The following ARHGEF26 variants were observed in gnomAD, a reference collection of about 807,000 sequenced individuals.
ARHGEF26 encodes the protein Rho guanine nucleotide exchange factor (GEF) 26.
In ARHGEF26, 59 loss-of-function variants were observed where a neutral mutation model predicts 89.4. The ratio of observed to expected loss-of-function variants is 0.66; its 90% CI spans 0.54 to 0.82. The LOEUF is 0.82. Ranked by LOEUF, ARHGEF26 falls within the 40% of genes least tolerant of loss-of-function variation. The pLI, the probability that ARHGEF26 is intolerant of heterozygous loss-of-function variation, is 0.00. For missense variants in ARHGEF26, 1,234 were observed against 1,085.6 expected (o/e 1.14, Z -1.92); for synonymous variants, 500 against 428.4 (o/e 1.17, Z -2.06).
chr3:154,197,547 T>C (rs1714367622), intron 9 of ARHGEF26, among the ~76,000 whole-genome samples: 1 of 152,170 alleles, frequency 6.6e-6, no homozygotes, highest in Non-Finnish European at 1.5e-5. Flanking sequence ...TCTAGGTAGT[T>C]ACTCATTCTT....
intron 11 of ARHGEF26, among the ~76,000 whole-genome samples, chr3:154,238,530 C>T (rs1178482743): frequency 6.6e-6 from 1 of 152,086 alleles, no homozygotes; most frequent in Admixed American, 6.6e-5. Context: ...AAAATAAATT[C>T]CAGGAAATCT....
At chr3:154,169,975 G>A (rs184824) in intron 6 of ARHGEF26, among the ~76,000 whole-genome samples, 76,774 of 151,872 alleles carry the variant, frequency 0.51, 19,596 homozygotes, top group Non-Finnish European at 0.53. Flanking sequence ...AAAGCCAGAA[G>A]TAGTCAGCTT....
At position 154,187,697 on chromosome 3, in the gene ARHGEF26, G is replaced by A; in HGVS notation, c.1500G>A (p.Glu500=). The A allele has an allele frequency of 1.2e-6, 2 of 1,606,226 alleles. No homozygotes were observed. The highest frequency in any genetic ancestry group is 1.7e-5 in the Admixed American group (1 of 58,890). The change falls in exon 7 of 15, where the codon GAG becomes GAA. Residue 500 remains glutamate (E), a synonymous_variant. Transcript: ENST00000465093. The stretch of plus-strand genomic sequence containing the variant: ...TTTGGTTTTTCAGGTTCTTTATAGA[G>A]TTGGAAGCAAGACATCAGAATAATA... The part of the protein sequence containing the change: ...VCEASKKFFI[E]LEARHQNNIF...
rs73875337 is a variant in ARHGEF26, at chr3:154,256,169, C to T, written c.*696C>T. 2,471 of 985,696 alleles carry T rather than the reference C, an allele frequency of 2.5e-3. 49 individuals carry two copies. The African/African-American group carries it at 0.041, about 16-fold the overall frequency. 61.1% of individuals were successfully genotyped at this position (985,696 alleles called of 1,614,324 possible). On this transcript the variant is annotated 3_prime_UTR_variant, in exon 15 of 15. Transcript: ENST00000465093. Reference sequence around the variant, plus strand: ...ATAAGTATAGACTAATTAACCTAAGCTACCTTTAACAACGTAGAATTTAGA... The same window carrying T: ...ATAAGTATAGACTAATTAACCTAAGTTACCTTTAACAACGTAGAATTTAGA...
chr3:154,187,888 A>C, intron 7 of ARHGEF26, 51 bp downstream of exon 7: 2 of 1,485,678 alleles, frequency 1.3e-6, no homozygotes, highest in Non-Finnish European at 1.8e-6. Context: ...AGTTTTAATT[A>C]GGCTACATTG....
At chr3:154,213,396 T>C (rs970592682) in intron 9 of ARHGEF26, among the ~76,000 whole-genome samples, 3 of 151,930 alleles carry the variant, frequency 2.0e-5, no homozygotes, top group African/African-American at 7.3e-5. Context: ...CAGCAGAACA[T>C]GTATGTTCAA....
intron 3 of ARHGEF26, among the ~76,000 whole-genome samples, chr3:154,124,654 G>A (rs1344045939): frequency 1.3e-5 from 2 of 151,780 alleles, no homozygotes; most frequent in Non-Finnish European, 2.9e-5. Flanking sequence ...ATTTTTTATA[G>A]GCTGATAACT....
At chr3:154,161,825 G>A (rs1050486191) in intron 6 of ARHGEF26, among the ~76,000 whole-genome samples, 13 of 152,122 alleles carry the variant, frequency 8.5e-5, no homozygotes, top group African/African-American at 3.1e-4. Flanking sequence ...AACCAGCCTG[G>A]TGTTTTCTTT....
At chr3:154,141,101 A>G (rs948226952) in intron 4 of ARHGEF26, among the ~76,000 whole-genome samples, 1 of 152,068 alleles carries the variant, frequency 6.6e-6, no homozygotes, top group Non-Finnish European at 1.5e-5. Context: ...AGCTGGGACT[A>G]CAGGCGGCTG....
At position 154,123,137 on chromosome 3, in the gene ARHGEF26, G is replaced by C. The variant is rs1027178272; in HGVS notation, c.1083+62G>C. 2.5e-6 allele frequency: 4 copies of C among 1,592,120 alleles called. No individual in the cohort carries two copies. In the African/African-American group the frequency reaches 4.0e-5, roughly 16 times the overall value. ...AGCGGAAAGTAAATGTGTTGGGAGTGGGGAGGAGGAGCGTAGAGGAAACCC... is the reference window on the plus strand; with the variant it reads ...AGCGGAAAGTAAATGTGTTGGGAGTCGGGAGGAGGAGCGTAGAGGAAACCC... On this transcript the variant is annotated intron_variant, in intron 2 of 14. Coordinates refer to ENST00000465093, the MANE Select transcript of ARHGEF26 (RefSeq NM_015595.4).
At chr3:154,197,513 GC>G in intron 9 of ARHGEF26, among the ~76,000 whole-genome samples, 1 of 152,220 alleles carries the variant, frequency 6.6e-6, no homozygotes, top group East Asian at 1.9e-4. Flanking sequence ...ACCAGATGCT[GC>G]CTTAATGTCT....
At chr3:154,212,551 G>T (rs538795700) in intron 9 of ARHGEF26, among the ~76,000 whole-genome samples, 84 of 134,250 alleles carry the variant, frequency 6.3e-4, no homozygotes, top group Non-Finnish European at 1.1e-3. Flanking sequence ...AACCTTTTTG[G>T]CACCCCAGAC....
rs185214575 is a variant in ARHGEF26, at chr3:154,191,072, T to C, written c.1641-217T>C. 1.1e-4 allele frequency among the ~76,000 whole-genome samples: 17 copies of C among 152,322 alleles called. No homozygotes were observed. The East Asian group carries it at 2.7e-3, about 24-fold the overall frequency. On this transcript the variant is annotated intron_variant, in intron 7 of 14. Coordinates refer to ENST00000465093, the MANE Select transcript of ARHGEF26 (RefSeq NM_015595.4). ...TTTTGCCTTATTGTTAATACTGTTATGTGAAATCCACATCTTATTATATTC... is the reference window on the plus strand; with the variant it reads ...TTTTGCCTTATTGTTAATACTGTTACGTGAAATCCACATCTTATTATATTC...
At chr3:154,217,174 C>G (rs1036003415) in intron 9 of ARHGEF26, among the ~76,000 whole-genome samples, 2 of 150,348 alleles carry the variant, frequency 1.3e-5, no homozygotes, top group African/African-American at 4.9e-5. Flanking sequence ...GTTCCTATTT[C>G]TCCACATCCT....
chr3:154,216,509 A>ATTTT (rs1273722931), intron 9 of ARHGEF26, among the ~76,000 whole-genome samples: 9 of 26,322 alleles, frequency 3.4e-4, no homozygotes, highest in South Asian at 4.6e-3. Flanking sequence ...TTTATTTTTT[A>ATTTT]TTTTTTTTTT....
chr3:154,122,378 C>A lies in ARHGEF26; in HGVS notation c.386C>A (p.Ala129Glu). 6.2e-7 allele frequency: 1 copy of A among 1,612,250 alleles called. No individual in the cohort carries two copies. The highest frequency in any genetic ancestry group is 1.3e-5 in the African/African-American group (1 of 75,040). ...CCTGGCGGCTCCCCGAAATCCCCAG[C>A]AAATGGCGCGGTGACCTTGCCTGCG... ...AVPGGSPKSP[A>E]NGAVTLPAPP... is the part of the protein sequence containing the mutation. Residue 129 changes from alanine (A) to glutamate (E), a missense_variant, in exon 2 of 15, where the codon GCA becomes GAA. Transcript: ENST00000465093.
At chr3:154,141,078 C>T (rs1719348628) in intron 4 of ARHGEF26, among the ~76,000 whole-genome samples, 1 of 152,138 alleles carries the variant, frequency 6.6e-6, no homozygotes. Context: ...TCTCCTGCCT[C>T]AGCCTCCTGA....
chr3:154,168,028 T>C (rs969013063), intron 6 of ARHGEF26, among the ~76,000 whole-genome samples: 3 of 152,228 alleles, frequency 2.0e-5, no homozygotes, highest in Non-Finnish European at 4.4e-5. Flanking sequence ...TTAATTTATT[T>C]ATCTTAGTAA....
At chr3:154,223,066 T>C (rs1283839991) in intron 10 of ARHGEF26, among the ~76,000 whole-genome samples, 2 of 152,060 alleles carry the variant, frequency 1.3e-5, no homozygotes, top group East Asian at 1.9e-4. Flanking sequence ...CTCTACAGAG[T>C]TGGGAAGAAT....
Sources: gnomAD v4.1 joint callset for allele counts (sites outside exome capture counted in the v4.1 genomes callset) on GRCh38, gnomAD v4.1.1 for gene constraint, MANE v1.5 for transcripts, NCBI Gene and HGNC (gene_info 2026-07-23, HGNC 2026-07-21) for gene names.